Variants in ADGRB3 observed in about 807,000 individuals in gnomAD.
ADGRB3 encodes the protein brain-specific angiogenesis inhibitor 3.
A neutral mutation model predicts 193.4 loss-of-function variants in ADGRB3; 37 were observed. The ratio of observed to expected loss-of-function variants is 0.19; its 90% confidence interval spans 0.15 to 0.25. The LOEUF is 0.25. Among genes scored for constraint, ADGRB3 ranks in the 10% least tolerant of loss-of-function variants. The pLI is 1.00. For missense variants in ADGRB3, 1,637 were observed against 1,852.9 expected (o/e 0.88, Z 2.14); for synonymous variants, 690 against 644.2 (o/e 1.07, Z -1.08).
intron 11 of ADGRB3, among the ~76,000 whole-genome samples, chr6:69,010,476 T>C (rs1769898918): frequency 6.6e-6 from 1 of 151,804 alleles, no homozygotes; most frequent in African/African-American, 2.4e-5. Flanking sequence ...ATATATAACA[T>C]AAAGGGAATA....
intron 20 of ADGRB3, among the ~76,000 whole-genome samples, chr6:69,309,565 G>T (rs574512574): frequency 1.3e-5 from 2 of 151,752 alleles, no homozygotes; most frequent in Admixed American, 1.3e-4. Context: ...GAATAAGATA[G>T]ATAAGTAGGG....
intron 3 of ADGRB3, among the ~76,000 whole-genome samples, chr6:68,875,838 A>G (rs1765580796): frequency 6.6e-6 from 1 of 152,130 alleles, no homozygotes; most frequent in South Asian, 2.1e-4. Context: ...TAATTTTTTA[A>G]AAAACTTACA....
intron 20 of ADGRB3, among the ~76,000 whole-genome samples, chr6:69,294,245 T>C (rs1767760444): frequency 6.6e-6 from 1 of 152,100 alleles, no homozygotes; most frequent in Admixed American, 6.6e-5. Context: ...TTATCTGAAC[T>C]AAAGAGAATA....
chr6:69,360,039 G>T (rs1350584422), intron 28 of ADGRB3, among the ~76,000 whole-genome samples: 2 of 151,694 alleles, frequency 1.3e-5, no homozygotes, highest in East Asian at 3.9e-4. Flanking sequence ...CTCTTTTGTT[G>T]ATTGTTTTTG....
At chr6:69,165,709 T>C (rs1311422596) in intron 17 of ADGRB3, among the ~76,000 whole-genome samples, 1 of 151,894 alleles carries the variant, frequency 6.6e-6, no homozygotes, top group Non-Finnish European at 1.5e-5. Flanking sequence ...TTTACTCACC[T>C]GTCTCTCCTC....
chr6:69,345,266 G>A (rs192291651), intron 26 of ADGRB3, among the ~76,000 whole-genome samples: 17 of 152,186 alleles, frequency 1.1e-4, no homozygotes, highest in Admixed American at 3.9e-4. Context: ...AACATTTTGA[G>A]GTTGTACTGA....
intron 14 of ADGRB3, 145 bp from the exon 15 acceptor site, chr6:69,049,120 AATGTGC>A (rs1186004845): frequency 1.4e-5 from 8 of 553,298 alleles, no homozygotes; most frequent in South Asian, 2.4e-5. Flanking sequence ...AGCTACCATT[AATGTGC>A]ATGGTTAGGA....
In ADGRB3 at chr6:68,943,882, T is replaced by C; in HGVS notation, c.1083T>C (p.Cys361=). 2 of 1,613,862 alleles carry C rather than the reference T, an allele frequency of 1.2e-6. No individual in the cohort carries two copies. Among genetic ancestry groups the C allele is most frequent in the Non-Finnish European group, 1.7e-6 (2 of 1,179,804 alleles). The change falls in exon 6 of 32, where the codon TGT becomes TGC. Residue 361 remains cysteine (C), a synonymous_variant. Coordinates refer to ENST00000370598, the MANE Select transcript of ADGRB3 (RefSeq NM_001704.3). The part of the protein sequence containing the change: ...WSPWSLCSFT[C]GRGQRTRTRS... ...CATGGAGTTTATGTTCATTTACATG[T>C]GGTCGAGGCCAAAGAACAAGAACAA...
chr6:68,940,547 C>CTTTTTTTTTTTTTTT, intron 5 of ADGRB3, among the ~76,000 whole-genome samples: 10 of 69,208 alleles, frequency 1.4e-4, no homozygotes, highest in African/African-American at 2.3e-4. Flanking sequence ...TGCTTTTGAA[C>CTTTTTTTTTTTTTTT]TTTTTTTTTT....
Position 69,382,824 on chromosome 6 carries a change from T to G in ADGRB3, c.4276-7T>G. 6.3e-7 allele frequency: 1 copy of G among 1,587,546 alleles called. No homozygotes were observed. On this transcript the variant is annotated splice_polypyrimidine_tract_variant and splice_region_variant and intron_variant, in intron 30 of 31. Coordinates refer to ENST00000370598, the MANE Select transcript of ADGRB3 (RefSeq NM_001704.3). ...GGGGATGAGAGCTATCTTGTTCTTT[T>G]TTGCAGAAGGTCATGCATACAAGGA...
chr6:69,212,925 G>A (rs1765697488), intron 17 of ADGRB3, among the ~76,000 whole-genome samples: 1 of 152,104 alleles, frequency 6.6e-6, no homozygotes, highest in African/African-American at 2.4e-5. Context: ...TGGATAAAGA[G>A]GAGTGATAGG....
At position 69,314,779 on chromosome 6, in the gene ADGRB3, AG is replaced by A. The variant is rs375426887; in HGVS notation, c.2815-10090del. Among the ~76,000 whole-genome samples, 29 of 151,648 alleles carry A rather than the reference AG, an allele frequency of 1.9e-4. No individual in the cohort carries two copies. The East Asian group carries it at 4.3e-3, about 22-fold the overall frequency. ...AGCATGTCATAGCAGCTGTGGAAAA[AG>A]GGAGGTTAGGTGAAGTGATAATAAC... On this transcript the variant is annotated intron_variant, in intron 20 of 31. Coordinates refer to ENST00000370598, the MANE Select transcript of ADGRB3 (RefSeq NM_001704.3).
Position 69,339,317 on chromosome 6 carries a change from T to C in ADGRB3, c.3288-16T>C, listed in dbSNP as rs947082045. ...TGATGTATAGCTACGTAATGTTACT[T>C]TCTTGGTCTCAACAGGGCGTCTCTT... On this transcript the variant is annotated splice_polypyrimidine_tract_variant and intron_variant, in intron 25 of 31. Coordinates refer to ENST00000370598, the MANE Select transcript of ADGRB3 (RefSeq NM_001704.3). 1.9e-6 allele frequency: 3 copies of C among 1,611,586 alleles called. No homozygotes were observed. Among genetic ancestry groups the C allele is most frequent in the Non-Finnish European group, 2.5e-6 (3 of 1,178,370 alleles).
At chr6:68,831,514 G>T (rs1767952728) in intron 3 of ADGRB3, among the ~76,000 whole-genome samples, 1 of 151,974 alleles carries the variant, frequency 6.6e-6, no homozygotes, top group South Asian at 2.1e-4. Flanking sequence ...CTGTTTGGTT[G>T]GGGTTTCACA....
At chr6:69,275,021 C>T (rs1767271863) in intron 20 of ADGRB3, among the ~76,000 whole-genome samples, 1 of 152,106 alleles carries the variant, frequency 6.6e-6, no homozygotes, top group African/African-American at 2.4e-5. Flanking sequence ...GTTTGGCCCC[C>T]TACCACAGCC....
intron 13 of ADGRB3, among the ~76,000 whole-genome samples, chr6:69,026,631 T>C (rs1770439351): frequency 6.6e-6 from 1 of 152,200 alleles, no homozygotes; most frequent in South Asian, 2.1e-4. Context: ...TTAGACTATT[T>C]TGTTTTGCGA....
At chr6:69,057,072 TTTTTTTCAGAAATG>T (rs1476535990) in intron 15 of ADGRB3, among the ~76,000 whole-genome samples, 2 of 152,102 alleles carry the variant, frequency 1.3e-5, no homozygotes, top group African/African-American at 4.8e-5. Context: ...TCTTCCTTCA[TTTTTTTCAGAAATG>T]TTTTATAGTT....
chr6:69,136,396 A>T (rs572903636), intron 17 of ADGRB3, among the ~76,000 whole-genome samples: 27 of 152,252 alleles, frequency 1.8e-4, no homozygotes, highest in African/African-American at 6.0e-4. Flanking sequence ...TAAATGTAGC[A>T]CTTAAAATGT....
chr6:69,000,709 A>G (rs930815944), intron 11 of ADGRB3, among the ~76,000 whole-genome samples: 1 of 152,252 alleles, frequency 6.6e-6, no homozygotes, highest in Non-Finnish European at 1.5e-5. Flanking sequence ...CCTCAGCTAG[A>G]AAAGTGCACA....
Sources: allele counts gnomAD v4.1 joint callset (sites outside exome capture counted in the v4.1 genomes callset), GRCh38; gene constraint gnomAD v4.1.1; transcripts MANE v1.5; gene names NCBI Gene and HGNC (gene_info 2026-07-23, HGNC 2026-07-21).